The following SMYD3 variants were observed in gnomAD, a reference collection of about 807,000 sequenced individuals.
SMYD3 encodes the protein histone-lysine N-methyltransferase SMYD3.
SMYD3 carries 36 observed loss-of-function variants against 57.7 expected under a neutral mutation model. That is an observed-to-expected ratio of 0.62 (90% CI 0.48 to 0.82). The LOEUF (loss-of-function observed/expected upper bound fraction) is 0.82. Among genes scored for constraint, SMYD3 ranks in the 40% least tolerant of loss-of-function variants. The pLI is 0.00. For missense variants in SMYD3, 515 were observed against 538.8 expected (o/e 0.96, Z 0.44); for synonymous variants, 211 against 195.0 (o/e 1.08, Z -0.68).
chr1:245,793,749 A>T (rs1031654115), intron 10 of SMYD3, among the ~76,000 whole-genome samples: 1 of 152,126 alleles, frequency 6.6e-6, no homozygotes, highest in Non-Finnish European at 1.5e-5. Flanking sequence ...ATATTAGCTT[A>T]GGCTAACGTG....
At chr1:245,958,053 T>G (rs1212282791) in intron 5 of SMYD3, among the ~76,000 whole-genome samples, 1 of 152,148 alleles carries the variant, frequency 6.6e-6, no homozygotes, top group African/African-American at 2.4e-5. Flanking sequence ...AAGCGGGTTT[T>G]CTATCTGCAA....
rs370672780 is a variant in SMYD3, at chr1:246,111,002, C to G, written c.532-181065G>C. ...TTTCATTGTCCATAAGATAACTCACCAAATCCTTGCGCAAAGAGAAACAAA... is the reference window on the plus strand; with the variant it reads ...TTTCATTGTCCATAAGATAACTCACGAAATCCTTGCGCAAAGAGAAACAAA... On this transcript the variant is annotated intron_variant, in intron 5 of 11. Coordinates refer to ENST00000490107, the MANE Select transcript of SMYD3 (RefSeq NM_001167740.2). 2.0e-5 allele frequency among the ~76,000 whole-genome samples: 3 copies of G among 152,116 alleles called. No homozygotes were observed. In the East Asian group the frequency reaches 5.8e-4, roughly 29 times the overall value.
intron 1 of SMYD3, among the ~76,000 whole-genome samples, chr1:246,379,544 T>C (rs1220123966): frequency 6.6e-6 from 1 of 152,174 alleles, no homozygotes; most frequent in Non-Finnish European, 1.5e-5. Flanking sequence ...TATCTAACAA[T>C]GAAAAATTAC....
At chr1:246,039,861 C>T (rs2148290327) in intron 5 of SMYD3, among the ~76,000 whole-genome samples, 1 of 152,240 alleles carries the variant, frequency 6.6e-6, no homozygotes, top group Admixed American at 6.5e-5. Flanking sequence ...ACAGACCAGG[C>T]CCAATAGTTC....
intron 10 of SMYD3, among the ~76,000 whole-genome samples, chr1:245,802,092 C>T (rs936773962): frequency 3.3e-5 from 5 of 152,158 alleles, no homozygotes; most frequent in African/African-American, 9.7e-5. Context: ...GTTAGGAATG[C>T]GTAAACAACA....
chr1:246,141,593 T>C (rs2061756507), intron 5 of SMYD3, among the ~76,000 whole-genome samples: 1 of 152,202 alleles, frequency 6.6e-6, no homozygotes, highest in South Asian at 2.1e-4. Context: ...TACAGTGTGC[T>C]AGAAACTGTG....
intron 5 of SMYD3, among the ~76,000 whole-genome samples, chr1:246,048,455 C>CA (rs1487541135): frequency 2.6e-5 from 4 of 151,904 alleles, no homozygotes; most frequent in Admixed American, 2.6e-4. Flanking sequence ...ATTTTAGTGA[C>CA]AAAAAAGTAA....
At chr1:245,952,123 CAGA>C (rs2057675334) in intron 5 of SMYD3, among the ~76,000 whole-genome samples, 1 of 151,880 alleles carries the variant, frequency 6.6e-6, no homozygotes, top group Non-Finnish European at 1.5e-5. Context: ...GAAAATAAAA[CAGA>C]AATACCTGTA....
intron 1 of SMYD3, among the ~76,000 whole-genome samples, chr1:246,497,045 C>T (rs1236010245): frequency 6.6e-6 from 1 of 152,132 alleles, no homozygotes; most frequent in Non-Finnish European, 1.5e-5. Flanking sequence ...AAGGTTATCC[C>T]ACAAGTGGCC....
chr1:246,184,630 A>C (rs1274403126), intron 5 of SMYD3, among the ~76,000 whole-genome samples: 1 of 152,190 alleles, frequency 6.6e-6, no homozygotes, highest in African/African-American at 2.4e-5. Context: ...TTAAGGTTAA[A>C]TGAGGTCATA....
intron 5 of SMYD3, among the ~76,000 whole-genome samples, chr1:246,219,360 G>T (rs942998446): frequency 6.6e-6 from 1 of 152,068 alleles, no homozygotes; most frequent in African/African-American, 2.4e-5. Context: ...ACAGCCTGAC[G>T]GGGTAACTCT....
At chr1:246,030,865 A>G (rs2059659193) in intron 5 of SMYD3, among the ~76,000 whole-genome samples, 1 of 152,148 alleles carries the variant, frequency 6.6e-6, no homozygotes. Flanking sequence ...TGGAACGCTT[A>G]CATCAAACAA....
chr1:246,449,188 C>A (rs1234521351), intron 1 of SMYD3, among the ~76,000 whole-genome samples: 1 of 152,100 alleles, frequency 6.6e-6, no homozygotes, highest in Admixed American at 6.6e-5. Flanking sequence ...GCCATGATCA[C>A]GCCCCTGCAC....
At chr1:246,269,556 G>C (rs139415351) in intron 5 of SMYD3, among the ~76,000 whole-genome samples, 19,813 of 106,896 alleles carry the variant, frequency 0.19, 1,517 homozygotes, top group East Asian at 0.36. Flanking sequence ...TTTTTTTTTT[G>C]TTTTTGTTGT....
intron 10 of SMYD3, among the ~76,000 whole-genome samples, chr1:245,839,449 A>G (rs183505106): frequency 0.013 from 1,902 of 151,908 alleles, 36 homozygotes; most frequent in Admixed American, 0.038. Flanking sequence ...GATTACAGGC[A>G]TGAGCCACTG....
chr1:245,984,889 T>C (rs1326771204), intron 5 of SMYD3, among the ~76,000 whole-genome samples: 1 of 152,160 alleles, frequency 6.6e-6, no homozygotes, highest in African/African-American at 2.4e-5. Context: ...ATGTTCTCCA[T>C]ACACCACTTC....
intron 1 of SMYD3, among the ~76,000 whole-genome samples, chr1:246,363,151 GC>G (rs1427777364): frequency 2.9e-5 from 4 of 139,160 alleles, no homozygotes; most frequent in Non-Finnish European, 6.2e-5. Flanking sequence ...CCCGGCAGCC[GC>G]CCCGTCTGAG....
chr1:246,395,632 C>G (rs61463430), intron 1 of SMYD3, among the ~76,000 whole-genome samples: 1,161 of 27,916 alleles, frequency 0.042, 6 homozygotes, highest in African/African-American at 0.11. Flanking sequence ...ACAGGGAAGA[C>G]GAACACACCA....
intron 5 of SMYD3, among the ~76,000 whole-genome samples, chr1:246,205,655 A>C (rs1359993864): frequency 6.6e-6 from 1 of 151,772 alleles, no homozygotes; most frequent in Non-Finnish European, 1.5e-5. Flanking sequence ...CCCCGTCTCT[A>C]CTAAAAATAC....
Sources: allele counts gnomAD v4.1 joint callset (sites outside exome capture counted in the v4.1 genomes callset), GRCh38; gene constraint gnomAD v4.1.1; transcripts MANE v1.5; gene names NCBI Gene and HGNC (gene_info 2026-07-23, HGNC 2026-07-21).